The following ATP6V1B2 variants were observed in gnomAD, a reference collection of about 807,000 sequenced individuals.
The protein encoded by ATP6V1B2 is V-type proton ATPase subunit B, brain isoform.
ATP6V1B2 carries 23 observed loss-of-function variants against 66.7 expected under a neutral mutation model. That is an observed-to-expected ratio of 0.34 (90% confidence interval 0.25 to 0.49). The LOEUF (loss-of-function observed/expected upper bound fraction) is 0.49, where lower values mean the gene tolerates loss of function less well. Among genes scored for constraint, ATP6V1B2 ranks in the 20% least tolerant of loss-of-function variants. ATP6V1B2 has a pLI of 0.99. For synonymous variants in ATP6V1B2, 278 were observed against 236.7 expected, an observed-to-expected ratio of 1.17 and a Z score of -1.60; for missense variants, 478 against 650.8, an observed-to-expected ratio of 0.73 and a Z score of 2.89.
chr8:20,218,400 G>T (rs2072875724), intron 13 of ATP6V1B2, 118 bp downstream of exon 13: 2 of 1,332,072 alleles, frequency 1.5e-6, no homozygotes, highest in Non-Finnish European at 2.0e-6. Context: ...GGTTAGAGAA[G>T]AGGCTCTGTC....
rs1413533689 is a variant in ATP6V1B2 at position 20,210,334 on chromosome 8, T to C, written c.292-12T>C. On this transcript the variant is annotated splice_polypyrimidine_tract_variant and intron_variant, in intron 3 of 13. Coordinates refer to ENST00000276390, the MANE Select transcript of ATP6V1B2 (RefSeq NM_001693.4). ...TACTTCTACCCTTCTCATTAATTCT[T>C]TTTCTTGATAGGTATTTGAAGGGAC... The C allele has an allele frequency of 1.9e-6, 3 of 1,603,060 alleles. No individual in the cohort carries two copies. Among genetic ancestry groups the C allele is most frequent in the Non-Finnish European group, 2.6e-6 (3 of 1,172,526 alleles).
rs993090036 is a variant in ATP6V1B2 at position 20,210,241 on chromosome 8, A to G, written c.292-105A>G. The G allele has an allele frequency of 4.7e-6, 4 of 849,768 alleles. No homozygotes were observed. The South Asian group carries it at 5.1e-5, about 11-fold the overall frequency. The allele number at this position is 849,768 out of a possible 1,614,324, so 52.6% of individuals were successfully genotyped here. ...GCTCATTATATCAAAAGTAGTATAC[A>G]TTCATGGGTTTTACATTATAAGGGC... On this transcript the variant is annotated intron_variant, in intron 3 of 13. Coordinates refer to ENST00000276390, the MANE Select transcript of ATP6V1B2 (RefSeq NM_001693.4).
Position 20,197,413 on chromosome 8 carries a change from C to T in ATP6V1B2, c.7C>T (p.Leu3=), listed in dbSNP as rs201057159. MA[L]RAMRGIVNGA... is the part of the protein sequence containing the mutation. ...TCGGGACAGAGGAGACAAGATGGCGCTGCGGGCGATGCGGGGGATTGTCAA... is the reference window on the plus strand; with the variant it reads ...TCGGGACAGAGGAGACAAGATGGCGTTGCGGGCGATGCGGGGGATTGTCAA... The change falls in exon 1 of 14, where the codon CTG becomes TTG. Residue 3 remains leucine, a synonymous_variant. Transcript: ENST00000276390. 4 of 1,542,626 alleles carry T rather than the reference C, an allele frequency of 2.6e-6. No homozygotes were observed. Among genetic ancestry groups the T allele is most frequent in the Non-Finnish European group, 3.5e-6 (4 of 1,145,958 alleles).
At chr8:20,217,650 A>G (rs1374490488) in intron 12 of ATP6V1B2, among the ~76,000 whole-genome samples, 3 of 152,158 alleles carry the variant, frequency 2.0e-5, no homozygotes, top group African/African-American at 7.2e-5. Context: ...ACTCTGACCT[A>G]TTTCTTGCTT....
chr8:20,210,314 C>G (rs111260390), intron 3 of ATP6V1B2, 32 bp from the exon 4 acceptor site: 5 of 1,564,546 alleles, frequency 3.2e-6, no homozygotes, highest in African/African-American at 1.4e-5. Flanking sequence ...TAAATTACTT[C>G]TACCCTTCTC....
intron 7 of ATP6V1B2, 63 bp downstream of exon 7, chr8:20,211,816 A>T (rs2072796300): frequency 7.6e-7 from 1 of 1,311,766 alleles, no homozygotes; most frequent in South Asian, 1.3e-5. Flanking sequence ...AGAACATTGT[A>T]GTAAGCTGTA....
chr8:20,218,561 A>C (rs2072877326), intron 13 of ATP6V1B2, among the ~76,000 whole-genome samples: 1 of 152,058 alleles, frequency 6.6e-6, no homozygotes, highest in Non-Finnish European at 1.5e-5. Flanking sequence ...TCTGCGGTAC[A>C]ACTTCATTGC....
chr8:20,214,195 T>C (rs2072826774), intron 9 of ATP6V1B2: 1 of 152,278 alleles, frequency 6.6e-6, no homozygotes, highest in African/African-American at 2.4e-5. Flanking sequence ...CATGCACACC[T>C]ATAGTCTGGT....
intron 5 of ATP6V1B2, 47 bp from the exon 6 acceptor site, chr8:20,211,130 A>T (rs767987301): frequency 6.3e-7 from 1 of 1,589,594 alleles, no homozygotes; most frequent in South Asian, 1.2e-5. Context: ...TTCATTCATG[A>T]ATAATGCGGC....
Position 20,201,411 on chromosome 8 carries a change from A to G in ATP6V1B2, c.137-3073A>G, listed in dbSNP as rs138835315. 1.6e-4 allele frequency among the ~76,000 whole-genome samples: 24 copies of G among 152,342 alleles called. 1 individual carries two copies. In the East Asian group the frequency reaches 3.1e-3, roughly 20 times the overall value. ...TAATGGTAATGGTGAGGAAGGCTGGATAAATCTAGAGATAAAAGGTAGTGT... is the reference window on the plus strand; with the variant it reads ...TAATGGTAATGGTGAGGAAGGCTGGGTAAATCTAGAGATAAAAGGTAGTGT... On this transcript the variant is annotated intron_variant, in intron 1 of 13. Coordinates refer to ENST00000276390, the MANE Select transcript of ATP6V1B2 (RefSeq NM_001693.4).
At position 20,212,173 on chromosome 8, in the gene ATP6V1B2, C is replaced by G. The variant is rs1342007184; in HGVS notation, c.777C>G (p.Leu259=). 6.2e-7 allele frequency: 1 copy of G among 1,613,644 alleles called. No individual in the cohort carries two copies. The change falls in exon 8 of 14, where the codon CTC becomes CTG. Residue 259 remains leucine (L), a synonymous_variant. Coordinates refer to ENST00000276390, the MANE Select transcript of ATP6V1B2 (RefSeq NM_001693.4). ...EENGSMDNVC[L]FLNLANDPTI... ...ATGGCTCAATGGACAATGTCTGCCT[C>G]TTTTTGAACTTGGCTAATGACCCAA...
At chr8:20,205,895 C>T (rs1440879777) in intron 2 of ATP6V1B2, among the ~76,000 whole-genome samples, 2 of 152,038 alleles carry the variant, frequency 1.3e-5, no homozygotes, top group African/African-American at 2.4e-5. Flanking sequence ...TGTAAAATAT[C>T]AGCAAAAGTA....
intron 1 of ATP6V1B2, among the ~76,000 whole-genome samples, chr8:20,199,633 G>T (rs542330740): frequency 7.0e-4 from 83 of 119,308 alleles, no homozygotes; most frequent in Non-Finnish European, 1.1e-3. Context: ...TTTTGAGATG[G>T]AGTCTCGCTC....
intron 2 of ATP6V1B2, among the ~76,000 whole-genome samples, chr8:20,205,907 A>G (rs2072733977): frequency 1.3e-5 from 2 of 152,252 alleles, no homozygotes; most frequent in South Asian, 2.1e-4. Context: ...GCAAAAGTAG[A>G]TAATTTGATA....
At chr8:20,204,013 A>G in intron 1 of ATP6V1B2, 2 of 456,102 alleles carry the variant, frequency 4.4e-6, no homozygotes, top group Non-Finnish European at 4.4e-6. Flanking sequence ...GCGTAACATT[A>G]AGGATTCCCT....
chr8:20,220,104 CCTT>C (rs1471693756), intron 13 of ATP6V1B2, among the ~76,000 whole-genome samples, 156 bp from the exon 14 acceptor site: 1 of 152,160 alleles, frequency 6.6e-6, no homozygotes, highest in Non-Finnish European at 1.5e-5. Context: ...ACTGTCTGTG[CCTT>C]CTTTTCCTCA....
At position 20,209,457 on chromosome 8, in the gene ATP6V1B2, C is replaced by T. The variant is rs762375539; in HGVS notation, c.217C>T (p.His73Tyr). Residue 73 changes from histidine (H) to tyrosine (Y), a missense_variant, in exon 3 of 14, where the codon CAT becomes TAT. His to Tyr is a moderately conservative substitution (Grantham distance 83). Coordinates refer to ENST00000276390, the MANE Select transcript of ATP6V1B2 (RefSeq NM_001693.4). ...GTTTCCCAGGTATGCTGAAATTGTC[C>T]ATTTGACCTTACCGGATGGCACAAA... ...VKFPRYAEIVHLTLPDGTKRS... is the reference protein window; with the variant it reads ...VKFPRYAEIVYLTLPDGTKRS... The T allele has an allele frequency of 3.1e-6, 5 of 1,613,624 alleles. No individual in the cohort carries two copies. In the Admixed American group the frequency reaches 8.3e-5, roughly 27 times the overall value.
At chr8:20,211,888 A>G in intron 7 of ATP6V1B2, 135 bp downstream of exon 7, 1 of 862,332 alleles carries the variant, frequency 1.2e-6, no homozygotes, top group Non-Finnish European at 1.7e-6. Flanking sequence ...GGCCAAATTA[A>G]GGACTAAAAT....
chr8:20,204,635 C>A, intron 2 of ATP6V1B2, 96 bp downstream of exon 2: 2 of 1,099,132 alleles, frequency 1.8e-6, no homozygotes, highest in South Asian at 1.5e-5. Flanking sequence ...GATTTTTAAG[C>A]CATACTTTAG....
Sources: gnomAD v4.1 joint callset for allele counts (sites outside exome capture counted in the v4.1 genomes callset) on GRCh38, gnomAD v4.1.1 for gene constraint, MANE v1.5 for transcripts, NCBI Gene and HGNC (gene_info 2026-07-23, HGNC 2026-07-21) for gene names.